Variants in GNG7 observed in about 807,000 individuals in gnomAD.
GNG7 encodes G protein subunit gamma 7.
A neutral mutation model predicts 4.0 loss-of-function variants in GNG7; 1 was observed. The observed-to-expected ratio is 0.25, with a 90% CI of 0.09 to 1.18. The LOEUF is 1.18. Ranked by LOEUF, GNG7 falls within the 50% of genes most tolerant of loss-of-function variation. The pLI is 0.50. For synonymous variants in GNG7, 34 were observed against 36.9 expected (o/e 0.92, Z 0.29); for missense variants, 86 against 91.9 (o/e 0.94, Z 0.26).
At chr19:2,572,716 C>T (rs2144782536) in intron 2 of GNG7, among the ~76,000 whole-genome samples, 2 of 151,998 alleles carry the variant, frequency 1.3e-5, no homozygotes, top group South Asian at 4.2e-4. Context: ...ATCTCAGCCT[C>T]CCGAGTAGCT....
chr19:2,574,154 T>C (rs1317462285), intron 2 of GNG7, among the ~76,000 whole-genome samples: 4 of 152,170 alleles, frequency 2.6e-5, no homozygotes, highest in African/African-American at 4.8e-5. Flanking sequence ...TCTCCCGGGG[T>C]GTCCCTGCTG....
intron 2 of GNG7, among the ~76,000 whole-genome samples, chr19:2,558,230 GTTTT>G (rs1349745835): frequency 1.8e-5 from 2 of 112,040 alleles, no homozygotes; most frequent in African/African-American, 7.8e-5. Flanking sequence ...TGGGCACCGT[GTTTT>G]TTTGTTTTTG....
Position 2,653,235 on chromosome 19 carries a change from T to TA in GNG7, c.-134-6956dup, listed in dbSNP as rs1318701754. On this transcript the variant is annotated intron_variant, in intron 1 of 4. Coordinates refer to ENST00000382159, the MANE Select transcript of GNG7 (RefSeq NM_052847.3). The surrounding 1 kb of genome is among the most constrained non-coding windows in gnomAD (Gnocchi z 4.8). ...TTGCTTGTAATTCTGAAAAGGCTGA[T>TA]AGATTTTATAGCCCAGTATCTCCAA... Among the ~76,000 whole-genome samples the TA allele has an allele frequency of 6.6e-6, 1 of 152,184 alleles. No homozygotes were observed. The highest frequency in any genetic ancestry group is 2.4e-5 in the African/African-American group (1 of 41,446).
intron 1 of GNG7, among the ~76,000 whole-genome samples, chr19:2,684,867 T>TA (rs1198082474): frequency 6.6e-6 from 1 of 152,212 alleles, no homozygotes; most frequent in African/African-American, 2.4e-5. Context: ...CTCACGCCTG[T>TA]AATCCCAACA....
rs1419077321 is a variant in GNG7 at position 2,557,333 on chromosome 19, A to G, written c.-77-2145T>C. Among the ~76,000 whole-genome samples the G allele has an allele frequency of 6.8e-6, 1 of 146,544 alleles. No homozygotes were observed. Among genetic ancestry groups the G allele is most frequent in the Non-Finnish European group, 1.5e-5 (1 of 65,306 alleles). On this transcript the variant is annotated intron_variant, in intron 2 of 4. Transcript: ENST00000382159. The surrounding 1 kb of genome is among the most constrained non-coding windows in gnomAD (Gnocchi z 5.1). ...CGCACAGACACACATGTGCACACAG[A>G]CACACACATGTGCACACACACAGAC... is the stretch of plus-strand genomic sequence containing the variant.
At chr19:2,598,644 G>A (rs919886351) in intron 2 of GNG7, among the ~76,000 whole-genome samples, 6 of 150,438 alleles carry the variant, frequency 4.0e-5, no homozygotes, top group African/African-American at 4.9e-5. Context: ...GCGACAGAGC[G>A]AGACTCCGTC....
At chr19:2,533,375 T>C (rs1376777127) in intron 3 of GNG7, among the ~76,000 whole-genome samples, 1 of 151,998 alleles carries the variant, frequency 6.6e-6, no homozygotes, top group African/African-American at 2.4e-5. Context: ...ACTATGGTGA[T>C]AGAAATGAAA....
chr19:2,568,088 C>A (rs368605070), intron 2 of GNG7, among the ~76,000 whole-genome samples: 6,842 of 133,560 alleles, frequency 0.051, 497 homozygotes, highest in African/African-American at 0.17. Context: ...TACACATGCA[C>A]ACACACACAC....
At position 2,520,625 on chromosome 19, in the gene GNG7, C is replaced by A; in HGVS notation, c.64G>T (p.Gly22Trp). Reference sequence around the variant, plus strand: ...GGGCTCACCTTGATGCGCTCAATCCCGGCTTCTATGCGTAGCTGTTCCACC... The same window carrying A: ...GGGCTCACCTTGATGCGCTCAATCCAGGCTTCTATGCGTAGCTGTTCCACC... ...KLVEQLRIEA[G>W]IERIKVSKAA... Residue 22 changes from glycine (G) to tryptophan (W), a missense_variant, in exon 4 of 5, where the codon GGG (glycine) becomes TGG (tryptophan). Coordinates refer to ENST00000382159, the MANE Select transcript of GNG7 (RefSeq NM_052847.3). 1 of 1,549,500 alleles carries A rather than the reference C, an allele frequency of 6.5e-7. No homozygotes were observed. The highest frequency in any genetic ancestry group is 1.2e-5 in the South Asian group (1 of 84,306).
chr19:2,530,187 A>C (rs1416185050), intron 3 of GNG7, among the ~76,000 whole-genome samples: 3 of 151,856 alleles, frequency 2.0e-5, no homozygotes, highest in African/African-American at 7.3e-5. Context: ...TCGAGGCGGG[A>C]GGATCACTTG....
chr19:2,621,821 G>A (rs532872255), intron 2 of GNG7, among the ~76,000 whole-genome samples: 11 of 152,284 alleles, frequency 7.2e-5, no homozygotes, highest in Non-Finnish European at 1.3e-4. Flanking sequence ...GCCCCCAGAA[G>A]CCAGAGGACG....
At chr19:2,638,962 G>A (rs1298392162) in intron 2 of GNG7, among the ~76,000 whole-genome samples, 2 of 152,132 alleles carry the variant, frequency 1.3e-5, no homozygotes, top group Admixed American at 6.5e-5. Flanking sequence ...TCCTGGCCAG[G>A]TGCGGTGGCT....
chr19:2,614,411 C>A lies in GNG7; in HGVS notation c.-78+31813G>T, dbSNP rs905823165. On this transcript the variant is annotated intron_variant, in intron 2 of 4. Transcript: ENST00000382159. The surrounding 1 kb of genome is among the most constrained non-coding windows in gnomAD (Gnocchi z 6.0). ...CTAGCTCTAGAACATTCTCAGCCCC[C>A]CAAAAAGACACCCCATCCCTATCAG... Among the ~76,000 whole-genome samples the A allele has an allele frequency of 6.6e-6, 1 of 152,148 alleles. No homozygotes were observed. Among genetic ancestry groups the A allele is most frequent in the African/African-American group, 2.4e-5 (1 of 41,414 alleles).
intron 1 of GNG7, among the ~76,000 whole-genome samples, chr19:2,671,427 G>A (rs1296487780): frequency 3.3e-5 from 5 of 152,158 alleles, no homozygotes; most frequent in African/African-American, 1.2e-4. Flanking sequence ...CGAGGTGAAT[G>A]AGGCTCAAGG....
chr19:2,633,610 G>C lies in GNG7; in HGVS notation c.-78+12614C>G, dbSNP rs1413071227. On this transcript the variant is annotated intron_variant, in intron 2 of 4. Coordinates refer to ENST00000382159, the MANE Select transcript of GNG7 (RefSeq NM_052847.3). The surrounding 1 kb of genome is among the most constrained non-coding windows in gnomAD (Gnocchi z 5.9). ...GTGGATGTGAGCCTCTCTGGGTATG[G>C]AGCCTCAATCAGTAGAGTCAGGTGG... 6.6e-6 allele frequency among the ~76,000 whole-genome samples: 1 copy of C among 151,980 alleles called. No individual in the cohort carries two copies. The highest frequency in any genetic ancestry group is 1.5e-5 in the Non-Finnish European group (1 of 68,002).
intron 2 of GNG7, among the ~76,000 whole-genome samples, chr19:2,566,727 T>C (rs979411751): frequency 1.2e-4 from 19 of 152,140 alleles, no homozygotes; most frequent in African/African-American, 4.6e-4. Context: ...ACTGCTCGAC[T>C]CAGCCACAGA....
intron 3 of GNG7, among the ~76,000 whole-genome samples, chr19:2,543,859 C>T (rs1331886135): frequency 6.6e-6 from 1 of 152,096 alleles, no homozygotes; most frequent in Non-Finnish European, 1.5e-5. Flanking sequence ...GCGGGAGGGG[C>T]GGCCGGCCTG....
At chr19:2,689,212 G>GAA (rs35779947) in intron 1 of GNG7, among the ~76,000 whole-genome samples, 6,349 of 150,426 alleles carry the variant, frequency 0.042, 461 homozygotes, top group African/African-American at 0.15. Flanking sequence ...AAAAAAGGGG[G>GAA]AAAAAAATGC....
At chr19:2,672,695 C>T (rs1287222764) in intron 1 of GNG7, among the ~76,000 whole-genome samples, 2 of 152,062 alleles carry the variant, frequency 1.3e-5, no homozygotes, top group African/African-American at 2.4e-5. Context: ...ATTTGCCCGC[C>T]TCGACCTCCC....
Sources: gnomAD v4.1 joint callset for allele counts (sites outside exome capture counted in the v4.1 genomes callset) on GRCh38, gnomAD v4.1.1 for gene constraint, Gnocchi (gnomAD v3.1) non-coding constraint, MANE v1.5 for transcripts, NCBI Gene and HGNC (gene_info 2026-07-23, HGNC 2026-07-21) for gene names.